Variants in PDE1A observed in about 807,000 individuals in gnomAD.
PDE1A encodes dual specificity calcium/calmodulin-dependent 3',5'-cyclic nucleotide phosphodiesterase 1A.
Under a neutral mutation model 61.7 loss-of-function variants are expected in PDE1A, and 35 were observed. That is an observed-to-expected ratio of 0.57 (90% CI 0.43 to 0.75). The LOEUF (loss-of-function observed/expected upper bound fraction) is 0.75, where lower values mean the gene tolerates loss of function less well. Ranked by LOEUF, PDE1A falls within the 30% of genes least tolerant of loss-of-function variation. The pLI, the probability that PDE1A is intolerant of heterozygous loss-of-function variation, is 0.00. For synonymous variants in PDE1A, 232 were observed against 213.2 expected (o/e 1.09, Z -0.77); for missense variants, 597 against 630.6 (o/e 0.95, Z 0.57).
intron 13 of PDE1A, among the ~76,000 whole-genome samples, chr2:182,153,547 A>G (rs1690908581): frequency 6.6e-6 from 1 of 152,190 alleles, no homozygotes; most frequent in Non-Finnish European, 1.5e-5. Flanking sequence ...GAACTTTGTG[A>G]CTGAATCGCA....
chr2:182,177,238 T>A (rs1416983473), intron 13 of PDE1A, among the ~76,000 whole-genome samples: 1 of 152,186 alleles, frequency 6.6e-6, no homozygotes. Context: ...TTTCTATTGA[T>A]TGGAATAGTT....
chr2:182,512,919 A>T (rs1689897239), intron 2 of PDE1A, among the ~76,000 whole-genome samples: 1 of 152,230 alleles, frequency 6.6e-6, no homozygotes, highest in Non-Finnish European at 1.5e-5. Context: ...ACAATTTCAA[A>T]ATGAACAAAA....
At chr2:182,616,812 G>A in the PDE1A span, among the ~76,000 whole-genome samples, 2 of 152,272 alleles carry the variant, frequency 1.3e-5, no homozygotes, top group East Asian at 1.9e-4. Context: ...TGGGGACAGC[G>A]GGTATGGGCT....
At chr2:182,477,772 A>G (rs1188249364) in intron 2 of PDE1A, among the ~76,000 whole-genome samples, 1 of 151,970 alleles carries the variant, frequency 6.6e-6, no homozygotes. Context: ...TAGTTACGGT[A>G]AACGACACAC....
chr2:182,427,647 A>G (rs887555396), upstream of PDE1A, among the ~76,000 whole-genome samples: 2 of 152,156 alleles, frequency 1.3e-5, no homozygotes, highest in African/African-American at 4.8e-5. Flanking sequence ...TGAACAGCTG[A>G]AAATAAATGA....
At chr2:182,403,351 G>C (rs1051385950) in intron 1 of PDE1A, among the ~76,000 whole-genome samples, 1 of 152,000 alleles carries the variant, frequency 6.6e-6, no homozygotes, top group Non-Finnish European at 1.5e-5. Context: ...TGTAATCCCA[G>C]CACTTTAGGA....
chr2:182,298,564 C>T (rs753162139), intron 1 of PDE1A, among the ~76,000 whole-genome samples: 12 of 152,072 alleles, frequency 7.9e-5, no homozygotes, highest in Non-Finnish European at 1.8e-4. Context: ...AAGTGCCTCA[C>T]CCCGAGTTGT....
chr2:182,273,102 C>A lies in PDE1A; in HGVS notation c.54-8688G>T, dbSNP rs917372010. 1.2e-3 allele frequency among the ~76,000 whole-genome samples: 175 copies of A among 152,102 alleles called. 1 individual carries two copies. The highest frequency in any genetic ancestry group is 4.1e-3 in the African/African-American group (171 of 41,508). On this transcript the variant is annotated intron_variant, in intron 1 of 13. Transcript: ENST00000351439. ...ATTTTATTTGGAAATATAAATCTTC[C>A]TCCAAAAGAAGGAAGGACTAAAAGA...
chr2:182,576,756 C>G, the PDE1A span, among the ~76,000 whole-genome samples: 2 of 152,210 alleles, frequency 1.3e-5, no homozygotes, highest in South Asian at 4.1e-4. Flanking sequence ...TTTATAGTAG[C>G]CATCCCAATT....
the PDE1A span, among the ~76,000 whole-genome samples, chr2:182,544,046 T>G: frequency 6.6e-6 from 1 of 152,206 alleles, no homozygotes; most frequent in Non-Finnish European, 1.5e-5. Flanking sequence ...TCTCTGTATT[T>G]TTCAACTAAC....
chr2:182,639,615 G>A, the PDE1A span, among the ~76,000 whole-genome samples: 19 of 151,862 alleles, frequency 1.3e-4, no homozygotes, highest in South Asian at 1.9e-3. Context: ...AAATAAAATC[G>A]AAAAAGAGAG....
intron 2 of PDE1A, among the ~76,000 whole-genome samples, chr2:182,514,006 A>G (rs1689981634): frequency 6.6e-6 from 1 of 152,202 alleles, no homozygotes; most frequent in South Asian, 2.1e-4. Context: ...TAAGACTGCA[A>G]CACCCCACAG....
At chr2:182,354,696 A>G (rs1033385795) in intron 1 of PDE1A, among the ~76,000 whole-genome samples, 15 of 152,188 alleles carry the variant, frequency 9.9e-5, no homozygotes, top group Non-Finnish European at 1.6e-4. Flanking sequence ...AAATTAATGT[A>G]GCTTTTAAAC....
At chr2:182,347,880 A>AGGGTT (rs1698612102) in intron 1 of PDE1A, among the ~76,000 whole-genome samples, 1 of 152,182 alleles carries the variant, frequency 6.6e-6, no homozygotes, top group Non-Finnish European at 1.5e-5. Flanking sequence ...AAAATTAAAA[A>AGGGTT]GGGTTTATGC....
the PDE1A span, among the ~76,000 whole-genome samples, chr2:182,686,738 T>A: frequency 6.6e-6 from 1 of 152,348 alleles, no homozygotes; most frequent in African/African-American, 2.4e-5. Context: ...AGGCATCACC[T>A]TACCCGGGAA....
At chr2:182,448,508 T>C (rs911172904) in intron 2 of PDE1A, among the ~76,000 whole-genome samples, 4 of 152,084 alleles carry the variant, frequency 2.6e-5, no homozygotes, top group South Asian at 2.1e-4. Flanking sequence ...TGTTGGGTTA[T>C]GGACCATTCT....
At chr2:182,264,878 C>CATATATATATATAA (rs1553560264) in intron 1 of PDE1A, among the ~76,000 whole-genome samples, 1 of 106,878 alleles carries the variant, frequency 9.4e-6, no homozygotes, top group Non-Finnish European at 1.9e-5. Context: ...TATATATATA[C>CATATATATATATAA]ATATATATAT....
At chr2:182,163,643 C>A (rs576798405), downstream of PDE1A, among the ~76,000 whole-genome samples, 1 of 152,236 alleles carries the variant, frequency 6.6e-6, no homozygotes, top group Non-Finnish European at 1.5e-5. Flanking sequence ...AGAGTTGTTG[C>A]ATCTGGCCCC....
At chr2:182,178,728 G>A (rs1559143121) in intron 13 of PDE1A, among the ~76,000 whole-genome samples, 1 of 152,112 alleles carries the variant, frequency 6.6e-6, no homozygotes. Context: ...GCAGTATTCA[G>A]TCAACCCCAG....
Sources: gnomAD v4.1 joint callset for allele counts (sites outside exome capture counted in the v4.1 genomes callset) on GRCh38, gnomAD v4.1.1 for gene constraint, MANE v1.5 for transcripts, NCBI Gene and HGNC (gene_info 2026-07-23, HGNC 2026-07-21) for gene names.